Variants in KIAA1217 observed in about 807,000 individuals in gnomAD.
KIAA1217 encodes KIAA1217.
Under a neutral mutation model 163.9 loss-of-function variants are expected in KIAA1217, and 88 were observed. The ratio of observed to expected loss-of-function variants is 0.54; its 90% CI spans 0.45 to 0.64. The LOEUF is 0.64. Among genes scored for constraint, KIAA1217 ranks in the 30% least tolerant of loss-of-function variants. The probability of loss-of-function intolerance (pLI) is 0.00; values close to 1 mark genes in which losing one functional copy is unlikely to be tolerated. For synonymous variants in KIAA1217, 903 were observed against 923.1 expected, an observed-to-expected ratio of 0.98 and a Z score of 0.39; for missense variants, 2,372 against 2,475.0, an observed-to-expected ratio of 0.96 and a Z score of 0.88.
chr10:23,730,494 A>G (rs1413984562), intron 1 of KIAA1217, among the ~76,000 whole-genome samples: 2 of 152,160 alleles, frequency 1.3e-5, no homozygotes, highest in East Asian at 1.9e-4. Context: ...GCCTTTCCAT[A>G]TAAACTTCAG....
intron 1 of KIAA1217, among the ~76,000 whole-genome samples, chr10:23,898,066 G>A (rs1029341632): frequency 6.6e-6 from 1 of 151,938 alleles, no homozygotes. Context: ...TTTCCCTGGT[G>A]CTGGTGCTTA....
Position 24,543,557 on chromosome 10 carries a change from T to C in KIAA1217, c.4287T>C (p.Thr1429=), listed in dbSNP as rs2075357749. 1 of 1,614,108 alleles carries C rather than the reference T, an allele frequency of 6.2e-7. No homozygotes were observed. The highest frequency in any genetic ancestry group is 8.5e-7 in the Non-Finnish European group (1 of 1,180,020). ...RKEMTPRQEG[T]DNEDPVVCLD... ...AGATGACCCCCCGACAAGAAGGGAC[T>C]GACAATGAGGATCCAGTCGTGTGCC... is the stretch of plus-strand genomic sequence containing the variant. The change falls in exon 19 of 21, where the codon ACT becomes ACC. Residue 1429 remains threonine (T), a synonymous_variant. Coordinates refer to ENST00000376454, the MANE Select transcript of KIAA1217 (RefSeq NM_019590.5).
chr10:24,083,339 G>C (rs879349354), intron 2 of KIAA1217, among the ~76,000 whole-genome samples: 3 of 152,128 alleles, frequency 2.0e-5, no homozygotes, highest in Admixed American at 6.6e-5. Context: ...GACATTGCTG[G>C]TGCATGGGTG....
intron 2 of KIAA1217, among the ~76,000 whole-genome samples, chr10:24,347,972 A>G (rs991501307): frequency 5.9e-5 from 9 of 152,242 alleles, no homozygotes; most frequent in East Asian, 1.9e-4. Flanking sequence ...ATGCATATTC[A>G]TATGCATGTC....
intron 3 of KIAA1217, among the ~76,000 whole-genome samples, chr10:24,410,446 G>A (rs2057668375): frequency 6.6e-6 from 1 of 152,220 alleles, no homozygotes; most frequent in South Asian, 2.1e-4. Flanking sequence ...TGCAGTCCAT[G>A]TCTGTGGATT....
At chr10:24,114,673 C>T (rs897845722) in intron 2 of KIAA1217, among the ~76,000 whole-genome samples, 2 of 152,214 alleles carry the variant, frequency 1.3e-5, no homozygotes, top group African/African-American at 4.8e-5. Flanking sequence ...ATCTTTCTTC[C>T]CTTCAATCCA....
At chr10:24,313,209 G>A (rs767749305) in intron 2 of KIAA1217, among the ~76,000 whole-genome samples, 1 of 152,180 alleles carries the variant, frequency 6.6e-6, no homozygotes, top group Admixed American at 6.5e-5. Context: ...TTGCAGTTCA[G>A]TTATTGATTT....
At chr10:23,739,264 A>T (rs1480449570) in intron 1 of KIAA1217, among the ~76,000 whole-genome samples, 7 of 151,288 alleles carry the variant, frequency 4.6e-5, no homozygotes, top group Non-Finnish European at 7.4e-5. Flanking sequence ...AGGTGATGAG[A>T]AATGACTTAA....
At chr10:24,366,609 T>C (rs1022217054) in intron 2 of KIAA1217, among the ~76,000 whole-genome samples, 1 of 151,994 alleles carries the variant, frequency 6.6e-6, no homozygotes, top group African/African-American at 2.4e-5. Flanking sequence ...CTTCTGTTCC[T>C]GCATGTATTC....
At chr10:24,376,280 A>G (rs764662347) in intron 2 of KIAA1217, among the ~76,000 whole-genome samples, 1 of 152,244 alleles carries the variant, frequency 6.6e-6, no homozygotes, top group African/African-American at 2.4e-5. Flanking sequence ...TTTCTGGATG[A>G]CATGATCTTT....
At chr10:24,333,075 G>C (rs546141314) in intron 2 of KIAA1217, among the ~76,000 whole-genome samples, 1 of 152,210 alleles carries the variant, frequency 6.6e-6, no homozygotes, top group South Asian at 2.1e-4. Context: ...AGGCTGGAGC[G>C]GGGTGGTGTG....
intron 1 of KIAA1217, among the ~76,000 whole-genome samples, chr10:23,779,903 C>G (rs7916914): frequency 0.01 from 1,597 of 152,146 alleles, 24 homozygotes; most frequent in African/African-American, 0.036. Context: ...TTACAATTGC[C>G]TACAATATTT....
At chr10:24,483,598 T>G (rs2064979600) in intron 6 of KIAA1217, among the ~76,000 whole-genome samples, 1 of 152,136 alleles carries the variant, frequency 6.6e-6, no homozygotes, top group Non-Finnish European at 1.5e-5. Context: ...GCCCTAAGAT[T>G]TACAGCTCTA....
At chr10:24,401,200 TA>T (rs2056487163) in intron 3 of KIAA1217, among the ~76,000 whole-genome samples, 2 of 151,552 alleles carry the variant, frequency 1.3e-5, no homozygotes, top group African/African-American at 4.8e-5. Context: ...TATATATATA[TA>T]TATTTTTATC....
At chr10:24,108,345 G>A (rs2062710251) in intron 2 of KIAA1217, among the ~76,000 whole-genome samples, 1 of 152,132 alleles carries the variant, frequency 6.6e-6, no homozygotes, top group African/African-American at 2.4e-5. Flanking sequence ...TTCAATGATT[G>A]GGGGTTTCTT....
At chr10:24,322,545 A>G (rs1036292544) in intron 2 of KIAA1217, among the ~76,000 whole-genome samples, 10 of 152,188 alleles carry the variant, frequency 6.6e-5, no homozygotes, top group Admixed American at 1.3e-4. Flanking sequence ...AATACCAGAC[A>G]CTGTAAATGG....
At chr10:23,818,534 A>C (rs1462142157) in intron 1 of KIAA1217, among the ~76,000 whole-genome samples, 2 of 151,948 alleles carry the variant, frequency 1.3e-5, no homozygotes, top group African/African-American at 4.8e-5. Flanking sequence ...AGGAATATAA[A>C]GGAAGAGTCA....
chr10:23,801,392 G>T (rs1035114368), intron 1 of KIAA1217, among the ~76,000 whole-genome samples: 9 of 152,124 alleles, frequency 5.9e-5, no homozygotes, highest in African/African-American at 2.2e-4. Context: ...GGGATGATGG[G>T]TGCAGAAAAC....
upstream of KIAA1217, among the ~76,000 whole-genome samples, chr10:24,204,464 G>A (rs1164897234): frequency 6.6e-6 from 1 of 152,154 alleles, no homozygotes; most frequent in Non-Finnish European, 1.5e-5. Context: ...TCTAATTATT[G>A]TTTAAGATTA....
Sources: gnomAD v4.1 joint callset for allele counts (sites outside exome capture counted in the v4.1 genomes callset) on GRCh38, gnomAD v4.1.1 for gene constraint, MANE v1.5 for transcripts, NCBI Gene and HGNC (gene_info 2026-07-23, HGNC 2026-07-21) for gene names.